SOX6: variants seen among roughly 807,000 people sequenced by gnomAD.
SOX6 encodes SRY-box transcription factor 6, also known as transcription factor SOX-6.
SOX6 carries 11 observed loss-of-function variants against 97.8 expected under a neutral mutation model. That is an observed-to-expected ratio of 0.11 (90% CI 0.07 to 0.19). The LOEUF is 0.19. SOX6 is among the 10% of genes least tolerant of loss of function. The probability of loss-of-function intolerance (pLI) is 1.00; values close to 1 mark genes in which losing one functional copy is unlikely to be tolerated. For missense variants in SOX6, 810 were observed against 1,039.5 expected, an observed-to-expected ratio of 0.78 and a Z score of 3.04; for synonymous variants, 360 against 371.4, an observed-to-expected ratio of 0.97 and a Z score of 0.35.
chr11:16,368,023 T>G (rs1857401429), intron 1 of SOX6, among the ~76,000 whole-genome samples: 1 of 152,160 alleles, frequency 6.6e-6, no homozygotes, highest in South Asian at 2.1e-4. Context: ...ACTGCATGTC[T>G]TTTCACTTAA....
At chr11:16,416,033 G>A (rs1046151203) in intron 1 of SOX6, among the ~76,000 whole-genome samples, 7 of 152,092 alleles carry the variant, frequency 4.6e-5, no homozygotes, top group Admixed American at 1.3e-4. Flanking sequence ...TTACTCTGTT[G>A]CCTACCTCTC....
At chr11:16,002,634 C>A (rs1457951165) in intron 13 of SOX6, among the ~76,000 whole-genome samples, 1 of 152,066 alleles carries the variant, frequency 6.6e-6, no homozygotes, top group Non-Finnish European at 1.5e-5. Flanking sequence ...TAAGTTTGAA[C>A]CAGAGACCAC....
intron 9 of SOX6, among the ~76,000 whole-genome samples, chr11:16,061,236 T>C (rs936414109): frequency 6.0e-5 from 9 of 151,202 alleles, no homozygotes; most frequent in Non-Finnish European, 1.2e-4. Context: ...AGTAGTAGCA[T>C]TTCTAGACAC....
chr11:16,441,089 C>G (rs1445236850), intron 1 of SOX6, among the ~76,000 whole-genome samples: 1 of 152,070 alleles, frequency 6.6e-6, no homozygotes, highest in Non-Finnish European at 1.5e-5. Flanking sequence ...ATAGCCACCC[C>G]TCATGTCACA....
intron 15 of SOX6, among the ~76,000 whole-genome samples, chr11:15,975,687 G>C (rs2119784984): frequency 6.6e-6 from 1 of 152,190 alleles, no homozygotes; most frequent in Middle Eastern, 3.4e-3. Flanking sequence ...TTTTACACAT[G>C]AAGTGACCAA....
At chr11:15,997,388 A>G (rs1854257897) in intron 13 of SOX6, among the ~76,000 whole-genome samples, 1 of 152,232 alleles carries the variant, frequency 6.6e-6, no homozygotes, top group Non-Finnish European at 1.5e-5. Context: ...GAGGCAGCAT[A>G]CCTTGACAGA....
At chr11:16,386,590 AT>A (rs1366082136) in intron 1 of SOX6, among the ~76,000 whole-genome samples, 1 of 152,050 alleles carries the variant, frequency 6.6e-6, no homozygotes, top group African/African-American at 2.4e-5. Flanking sequence ...TGTTCTCTAA[AT>A]CATCTTCCCT....
At chr11:16,481,908 A>G (rs1860350183) in intron 4 of SOX6, among the ~76,000 whole-genome samples, 1 of 152,140 alleles carries the variant, frequency 6.6e-6, no homozygotes, top group Non-Finnish European at 1.5e-5. Context: ...CCTATTACAT[A>G]GTATTATAAA....
intron 4 of SOX6, among the ~76,000 whole-genome samples, chr11:16,604,563 G>T (rs530976779): frequency 6.6e-6 from 1 of 152,120 alleles, no homozygotes. Flanking sequence ...TCATCCGAGC[G>T]CCCATTGACA....
At chr11:16,291,894 G>C (rs768589850) in intron 3 of SOX6, among the ~76,000 whole-genome samples, 6 of 152,052 alleles carry the variant, frequency 3.9e-5, no homozygotes, top group Admixed American at 6.6e-5. Flanking sequence ...GGTATGTGCA[G>C]ACTTAATATT....
At chr11:16,177,981 G>A (rs936854867) in intron 6 of SOX6, among the ~76,000 whole-genome samples, 7 of 151,956 alleles carry the variant, frequency 4.6e-5, no homozygotes, top group African/African-American at 1.7e-4. Context: ...CACAGATAGA[G>A]AAGGGCGGGT....
At chr11:16,384,557 G>C (rs73431675) in intron 1 of SOX6, among the ~76,000 whole-genome samples, 122 of 151,802 alleles carry the variant, frequency 8.0e-4, no homozygotes, top group African/African-American at 2.6e-3. Flanking sequence ...CTCTGTCTTT[G>C]CTTGCAACAA....
In SOX6 at chr11:16,572,182, C is replaced by G. The variant is rs185964753; in HGVS notation, n.609+39899G>C. On this transcript the variant is annotated intron_variant and non_coding_transcript_variant, in intron 4 of 5. Coordinates refer to the SOX6 transcript ENST00000524520. ...AAAATTGTATTTACTATTACTGTAG[C>G]AAAAGGAAAACTAAAATACTGAGAA... Among the ~76,000 whole-genome samples, 83 of 152,088 alleles carry G rather than the reference C, an allele frequency of 5.5e-4. No homozygotes were observed. In the East Asian group the frequency reaches 0.012, roughly 22 times the overall value.
rs766802377 is a variant in SOX6, at chr11:16,613,784, G to A, written n.430-1524C>T. Reference sequence around the variant, plus strand: ...GTGGATGAACTGCGAGGATGCCGGCGGTCAGGCTTGGCCGAGCTTTGTTTA... The same window carrying A: ...GTGGATGAACTGCGAGGATGCCGGCAGTCAGGCTTGGCCGAGCTTTGTTTA... On this transcript the variant is annotated intron_variant and non_coding_transcript_variant, in intron 3 of 5. Coordinates refer to the SOX6 transcript ENST00000524520. This position sits in a 1 kb window ranked among gnomAD's most constrained non-coding sequence, Gnocchi z 4.6. Among the ~76,000 whole-genome samples the A allele has an allele frequency of 6.6e-6, 1 of 152,202 alleles. No individual in the cohort carries two copies. The highest frequency in any genetic ancestry group is 2.4e-5 in the African/African-American group (1 of 41,456).
intron 4 of SOX6, among the ~76,000 whole-genome samples, chr11:16,219,992 A>G (rs1184181166): frequency 6.6e-6 from 1 of 152,118 alleles, no homozygotes; most frequent in African/African-American, 2.4e-5. Flanking sequence ...TTTTAAAACT[A>G]TATGTTTATT....
At chr11:16,329,023 T>C (rs901702974) in intron 2 of SOX6, among the ~76,000 whole-genome samples, 3 of 152,134 alleles carry the variant, frequency 2.0e-5, no homozygotes, top group Non-Finnish European at 4.4e-5. Flanking sequence ...AAAACTGATA[T>C]TTGCTAGTAT....
chr11:16,515,317 ATG>A (rs1860951970), intron 4 of SOX6, among the ~76,000 whole-genome samples: 1 of 151,174 alleles, frequency 6.6e-6, no homozygotes, highest in Non-Finnish European at 1.5e-5. Flanking sequence ...GCATTTTTTC[ATG>A]TGTTTTTTGG....
chr11:16,729,399 G>C (rs1417836272), intron 2 of SOX6, among the ~76,000 whole-genome samples: 1 of 152,184 alleles, frequency 6.6e-6, no homozygotes, highest in African/African-American at 2.4e-5. Flanking sequence ...AACCCTACAA[G>C]CCAGAAGAGA....
intron 3 of SOX6, chr11:16,283,902 C>A: frequency 2.3e-6 from 1 of 432,576 alleles, no homozygotes. Context: ...CTCCAGAAAT[C>A]TTGAAAGAAA....
Sources: gnomAD v4.1 joint callset for allele counts (sites outside exome capture counted in the v4.1 genomes callset) on GRCh38, gnomAD v4.1.1 for gene constraint, Gnocchi (gnomAD v3.1) non-coding constraint, MANE v1.5 for transcripts, NCBI Gene and HGNC (gene_info 2026-07-23, HGNC 2026-07-21) for gene names.